TOPORS: variants seen among roughly 807,000 people sequenced by gnomAD.
The protein encoded by TOPORS is E3 ubiquitin-protein ligase Topors.
In TOPORS, 25 loss-of-function variants were observed where a neutral mutation model predicts 81.4. That is an observed-to-expected ratio of 0.31 (90% CI 0.22 to 0.43). The LOEUF (loss-of-function observed/expected upper bound fraction) is 0.43. TOPORS is among the 20% of genes least tolerant of loss of function. The pLI, the probability that TOPORS is intolerant of heterozygous loss-of-function variation, is 1.00. For missense variants in TOPORS, 1,101 were observed against 1,267.0 expected, an observed-to-expected ratio of 0.87 and a Z score of 1.99; for synonymous variants, 473 against 456.6, an observed-to-expected ratio of 1.04 and a Z score of -0.46.
intron 2 of TOPORS, among the ~76,000 whole-genome samples, chr9:32,544,541 G>A (rs1821117439): frequency 6.6e-6 from 1 of 152,088 alleles, no homozygotes; most frequent in African/African-American, 2.4e-5. Context: ...ACTGAATCCT[G>A]GTTCCACACT....
Position 32,541,451 on chromosome 9 carries a change from T to G in TOPORS, c.3074A>C (p.Gln1025Pro), listed in dbSNP as rs762761647. Residue 1025 changes from glutamine to proline, a missense_variant, in exon 3 of 3, where the codon CAA becomes CCA. Coordinates refer to ENST00000360538, the MANE Select transcript of TOPORS (RefSeq NM_005802.5). ...TAATGATGTCCGTGGCGATGGCAAT[T>G]GCCTTGATGGCTCAGTTTGAAGAGA... ...IVSLQTEPSR[Q>P]LPSPRTSLMS... 18 of 1,614,102 alleles carry G rather than the reference T, an allele frequency of 1.1e-5. No homozygotes were observed. The highest frequency in any genetic ancestry group is 1.5e-5 in the Non-Finnish European group (18 of 1,180,030).
At position 32,550,757 on chromosome 9, in the gene TOPORS, T is replaced by C. The variant is rs780234332; in HGVS notation, c.198+17A>G. 1.6e-5 allele frequency: 25 copies of C among 1,612,572 alleles called. No homozygotes were observed. The highest frequency in any genetic ancestry group is 1.6e-4 in the Middle Eastern group (1 of 6,062). ...CCCTTCCGACCCCCGCGTCCCATTG[T>C]TCCGAATCTCACTCACCTCGGAGGA... On this transcript the variant is annotated intron_variant, in intron 2 of 2. Coordinates refer to ENST00000360538, the MANE Select transcript of TOPORS (RefSeq NM_005802.5).
At position 32,541,327 on chromosome 9, in the gene TOPORS, G is replaced by A. The variant is rs188465835; in HGVS notation, c.*60C>T. 4.8e-5 allele frequency: 74 copies of A among 1,544,070 alleles called. No homozygotes were observed. Among genetic ancestry groups the A allele is most frequent in the East Asian group, 4.7e-4 (21 of 44,274 alleles). ...CATCTTTAAATAGACTGCAGTAGAC[G>A]ACATTCTTCCTTTTTCCTTTTTATA... On this transcript the variant is annotated 3_prime_UTR_variant, in exon 3 of 3. Transcript: ENST00000360538.
Position 32,541,618 on chromosome 9 carries a change from G to A in TOPORS, c.2907C>T (p.Ala969=). ...FGVLDKECDI[A]TLSNNLNNAN... is the part of the protein sequence containing the mutation. ...CATTATTCAAGTTGTTACTAAGTGT[G>A]GCAATATCACATTCCTTGTCCAGCA... The change falls in exon 3 of 3, where the codon GCC becomes GCT. Residue 969 remains alanine (A), a synonymous_variant. Transcript: ENST00000360538. The A allele has an allele frequency of 6.2e-7, 1 of 1,614,156 alleles. No homozygotes were observed. The highest frequency in any genetic ancestry group is 8.5e-7 in the Non-Finnish European group (1 of 1,180,030).
Position 32,543,448 on chromosome 9 carries a change from G to A in TOPORS, c.1077C>T (p.Ala359=), listed in dbSNP as rs1188429499. 6.2e-7 allele frequency: 1 copy of A among 1,613,802 alleles called. No homozygotes were observed. Among genetic ancestry groups the A allele is most frequent in the Admixed American group, 1.7e-5 (1 of 60,014 alleles). The change falls in exon 3 of 3, where the codon GCC becomes GCT. Residue 359 remains alanine, a synonymous_variant. Coordinates refer to ENST00000360538, the MANE Select transcript of TOPORS (RefSeq NM_005802.5). The surrounding 1 kb of genome is among the most constrained non-coding windows in gnomAD (Gnocchi z 5.6). Reference sequence around the variant, plus strand: ...AGGCTGCCATGTTAAAAGGAGATCGGGCAAAACTGATAAATTCATGTATAA... The same window carrying A: ...AGGCTGCCATGTTAAAAGGAGATCGAGCAAAACTGATAAATTCATGTATAA... ...EHFIHEFISF[A]RSPFNMAAFD...
intron 1 of TOPORS, chr9:32,551,445 T>G (rs1821257199): frequency 3.5e-6 from 1 of 287,096 alleles, no homozygotes; most frequent in Non-Finnish European, 7.0e-6. Flanking sequence ...TCCTATAAAG[T>G]CTTCAGAGAG....
rs58831508 is a variant in TOPORS, at chr9:32,547,305, T to A, written c.199-2979A>T. Among the ~76,000 whole-genome samples the A allele has an allele frequency of 4.2e-3, 645 of 152,324 alleles. 3 individuals carry two copies. The highest frequency in any genetic ancestry group is 0.014 in the African/African-American group (600 of 41,570). On this transcript the variant is annotated intron_variant, in intron 2 of 2. Transcript: ENST00000360538. ...CTAAATACTAAATTAAAATGTTTTT[T>A]AAAACGCAAATGAAGTCGAACATAT...
At position 32,543,104 on chromosome 9, in the gene TOPORS, G is replaced by A; in HGVS notation, c.1421C>T (p.Ser474Phe). Residue 474 changes from serine to phenylalanine, a missense_variant, in exon 3 of 3, where the codon TCT (serine) becomes TTT (phenylalanine). Ser to Phe is a radical substitution (Grantham distance 155). This residue lies in a region of TOPORS where 14 missense variants were observed against 36.7 expected (regional missense o/e 0.38). Transcript: ENST00000360538. This position sits in a 1 kb window ranked among gnomAD's most constrained non-coding sequence, Gnocchi z 5.6. ...NDDLNNDSDD[S>F]SDNCVIVGFV... is the part of the protein sequence containing the mutation. ...CCCAACAATGACACAATTATCTGAA[G>A]AATCATCACTGTCATTATTTAGGTC... The A allele has an allele frequency of 6.2e-7, 1 of 1,614,114 alleles. No individual in the cohort carries two copies.
chr9:32,541,349 T>A lies in TOPORS; in HGVS notation c.*38A>T, dbSNP rs1378718040. The stretch of plus-strand genomic sequence containing the variant: ...GACGACATTCTTCCTTTTTCCTTTT[T>A]ATAACATCATAATTCTCAATGAAAT... On this transcript the variant is annotated 3_prime_UTR_variant, in exon 3 of 3. Transcript: ENST00000360538. 1 of 1,607,880 alleles carries A rather than the reference T, an allele frequency of 6.2e-7. No homozygotes were observed. Among genetic ancestry groups the A allele is most frequent in the Admixed American group, 1.7e-5 (1 of 59,934 alleles).
intron 1 of TOPORS, among the ~76,000 whole-genome samples, chr9:32,551,970 T>TG (rs1215251363): frequency 2.0e-5 from 3 of 150,832 alleles, no homozygotes; most frequent in Non-Finnish European, 4.4e-5. Flanking sequence ...CTAAATCGTG[T>TG]GGTATCAGAT....
intron 1 of TOPORS, chr9:32,551,587 G>A (rs1476840968): frequency 4.0e-6 from 1 of 249,960 alleles, no homozygotes; most frequent in African/African-American, 2.2e-5. Context: ...ACTCTTTTAA[G>A]ATAACTGCGA....
intron 1 of TOPORS, 42 bp downstream of exon 1, chr9:32,552,392 G>T (rs1240339415): frequency 6.2e-7 from 1 of 1,606,606 alleles, no homozygotes; most frequent in Admixed American, 1.7e-5. Context: ...TGTAAGGCCC[G>T]CAGCTCCCGC....
In TOPORS at chr9:32,541,306, T is replaced by G; in HGVS notation, c.*81A>C. ...AAGAGAGTTTTCACCAAATGTCATCTTTAAATAGACTGCAGTAGACGACAT... is the reference window on the plus strand; with the variant it reads ...AAGAGAGTTTTCACCAAATGTCATCGTTAAATAGACTGCAGTAGACGACAT... On this transcript the variant is annotated 3_prime_UTR_variant, in exon 3 of 3. Coordinates refer to ENST00000360538, the MANE Select transcript of TOPORS (RefSeq NM_005802.5). 4 of 1,395,630 alleles carry G rather than the reference T, an allele frequency of 2.9e-6. No homozygotes were observed. The highest frequency in any genetic ancestry group is 4.0e-6 in the Non-Finnish European group (4 of 996,522). The allele number at this position is 1,395,630 out of a possible 1,614,324, so 86.5% of individuals were successfully genotyped here.
chr9:32,549,661 CAG>C (rs1183357287), intron 2 of TOPORS, among the ~76,000 whole-genome samples: 3 of 152,102 alleles, frequency 2.0e-5, no homozygotes. Flanking sequence ...TGGGTCCAGA[CAG>C]AGGATAGTTT....
chr9:32,546,036 G>A (rs1174303133), intron 2 of TOPORS, among the ~76,000 whole-genome samples: 1 of 152,136 alleles, frequency 6.6e-6, no homozygotes, highest in Admixed American at 6.5e-5. Context: ...GGGCATCTTG[G>A]CTTTCTCAGA....
rs777099059 is a variant in TOPORS, at chr9:32,542,300, T to A, written c.2225A>T (p.Gln742Leu). 1 of 1,614,194 alleles carries A rather than the reference T, an allele frequency of 6.2e-7. No individual in the cohort carries two copies. The highest frequency in any genetic ancestry group is 1.1e-5 in the South Asian group (1 of 91,082). Residue 742 changes from glutamine to leucine, a missense_variant, in exon 3 of 3, where the codon CAG (glutamine) becomes CTG (leucine). Physicochemically the swap from Gln to Leu is moderately radical, Grantham distance 113. Around this residue, in one of 9 missense-constraint regions of TOPORS, gnomAD observed 605 missense variants for 636.1 expected, o/e 0.95. Transcript: ENST00000360538. ...RQSSSPEFRV[Q>L]SFSERTNARK... The stretch of plus-strand genomic sequence containing the variant: ...AGCATTTGTTCTTTCAGAAAAGGAC[T>A]GAACTCTAAATTCTGGACTTGAAGA...
In TOPORS at chr9:32,541,285, G is replaced by C. The variant is rs1821052067; in HGVS notation, c.*102C>G. 1 of 1,145,326 alleles carries C rather than the reference G, an allele frequency of 8.7e-7. No individual in the cohort carries two copies. The highest frequency in any genetic ancestry group is 2.2e-5 in the Admixed American group (1 of 46,036). The allele number at this position is 1,145,326 out of a possible 1,614,324, so 70.9% of individuals were successfully genotyped here. A position where few individuals can be genotyped will look rare whatever the true frequency, so the allele number is the denominator to read the frequency against. On this transcript the variant is annotated 3_prime_UTR_variant, in exon 3 of 3. Transcript: ENST00000360538. ...ATTTAAAATATTGTAAGGAGGAAGA[G>C]AGTTTTCACCAAATGTCATCTTTAA...
intron 2 of TOPORS, among the ~76,000 whole-genome samples, chr9:32,550,519 C>T (rs1176090840): frequency 6.6e-6 from 1 of 152,236 alleles, no homozygotes; most frequent in East Asian, 1.9e-4. Context: ...TCCCTGAGAC[C>T]AAGCTCTTTC....
intron 2 of TOPORS, among the ~76,000 whole-genome samples, chr9:32,545,373 C>T (rs1236653879): frequency 6.6e-6 from 1 of 150,878 alleles, no homozygotes; most frequent in Non-Finnish European, 1.5e-5. Flanking sequence ...TTTACATTGG[C>T]TCAAAACTTT....
Sources: gnomAD v4.1 joint callset for allele counts (sites outside exome capture counted in the v4.1 genomes callset) on GRCh38, gnomAD v4.1.1 for gene constraint, gnomAD v4.1.1 regional missense constraint, Gnocchi (gnomAD v3.1) non-coding constraint, MANE v1.5 for transcripts, NCBI Gene and HGNC (gene_info 2026-07-23, HGNC 2026-07-21) for gene names.